Variants in PRTG observed in about 807,000 individuals in gnomAD.
PRTG encodes the protein protogenin, also known as immunoglobulin superfamily, DCC subclass, member 5.
In PRTG, 67 loss-of-function variants were observed where a neutral mutation model predicts 122.5. The observed-to-expected ratio is 0.55, with a 90% CI of 0.45 to 0.67. PRTG has a LOEUF of 0.67. Among genes scored for constraint, PRTG ranks in the 30% least tolerant of loss-of-function variants. The probability of loss-of-function intolerance (pLI) is 0.00; values close to 1 mark genes in which losing one functional copy is unlikely to be tolerated. For missense variants in PRTG, 1,435 were observed against 1,415.4 expected (o/e 1.01, Z -0.22); for synonymous variants, 554 against 501.1 (o/e 1.11, Z -1.41).
Position 55,616,835 on chromosome 15 carries a change from T to C in PRTG, c.*3177A>G, listed in dbSNP as rs956894552. ...CTTTGATATTTTTTGCTACTAAAGCTAGATTCTCTATCGGCCTCTAAATAA... is the reference window on the plus strand; with the variant it reads ...CTTTGATATTTTTTGCTACTAAAGCCAGATTCTCTATCGGCCTCTAAATAA... On this transcript the variant is annotated 3_prime_UTR_variant, in exon 20 of 20. Coordinates refer to ENST00000389286, the MANE Select transcript of PRTG (RefSeq NM_173814.6). 2.0e-5 allele frequency: 3 copies of C among 152,296 alleles called. No homozygotes were observed. The highest frequency in any genetic ancestry group is 4.4e-5 in the Non-Finnish European group (3 of 67,986). 9.4% of individuals were successfully genotyped at this position (152,296 alleles called of 1,614,324 possible).
chr15:55,734,618 T>C (rs546708932), intron 2 of PRTG, among the ~76,000 whole-genome samples: 6 of 151,610 alleles, frequency 4.0e-5, no homozygotes, highest in Non-Finnish European at 5.9e-5. Flanking sequence ...ATATGTATTA[T>C]AAACACGAAA....
At chr15:55,650,541 A>T (rs946328189) in intron 11 of PRTG, among the ~76,000 whole-genome samples, 3 of 152,122 alleles carry the variant, frequency 2.0e-5, no homozygotes, top group African/African-American at 7.2e-5. Flanking sequence ...TTTATGGGGG[A>T]GGGTCACACA....
chr15:55,706,209 T>G (rs2030108976), intron 2 of PRTG, among the ~76,000 whole-genome samples: 1 of 151,730 alleles, frequency 6.6e-6, no homozygotes, highest in Non-Finnish European at 1.5e-5. Context: ...AATACTACAC[T>G]GTTAAGTCTC....
At chr15:55,645,261 C>T (rs2059314425) in intron 11 of PRTG, among the ~76,000 whole-genome samples, 1 of 149,550 alleles carries the variant, frequency 6.7e-6, no homozygotes, top group Non-Finnish European at 1.5e-5. Context: ...CGGTGAAACC[C>T]CGTCTCTACT....
chr15:55,699,108 A>G (rs942120955), intron 2 of PRTG, among the ~76,000 whole-genome samples: 2 of 152,170 alleles, frequency 1.3e-5, no homozygotes, highest in Non-Finnish European at 2.9e-5. Flanking sequence ...TTTTGGAGCT[A>G]ATAGATATTA....
chr15:55,684,158 G>A (rs925224819), intron 2 of PRTG, among the ~76,000 whole-genome samples: 74 of 152,230 alleles, frequency 4.9e-4, no homozygotes, highest in African/African-American at 1.6e-3. Context: ...AAATAGGTTC[G>A]CAAGAAATTT....
At chr15:55,708,934 C>G (rs2030259354) in intron 2 of PRTG, among the ~76,000 whole-genome samples, 1 of 151,816 alleles carries the variant, frequency 6.6e-6, no homozygotes, top group South Asian at 2.1e-4. Flanking sequence ...TAGGTGAGGT[C>G]AGGAGTTCAA....
chr15:55,668,873 C>G (rs1361568583), intron 11 of PRTG, among the ~76,000 whole-genome samples: 1 of 152,050 alleles, frequency 6.6e-6, no homozygotes, highest in Non-Finnish European at 1.5e-5. Context: ...TCTAAAATAA[C>G]TTTCATTACT....
intron 13 of PRTG, among the ~76,000 whole-genome samples, chr15:55,639,229 C>T (rs1040338200): frequency 1.3e-5 from 2 of 152,076 alleles, no homozygotes. Context: ...CCACCTCAGC[C>T]CCCCCAAAAT....
intron 2 of PRTG, among the ~76,000 whole-genome samples, chr15:55,691,082 G>C (rs2059597858): frequency 1.3e-5 from 2 of 151,988 alleles, no homozygotes; most frequent in Admixed American, 6.6e-5. Context: ...ATCACCTGAG[G>C]TCAGGAGTTC....
At chr15:55,699,166 G>C (rs796103909) in intron 2 of PRTG, among the ~76,000 whole-genome samples, 15 of 152,146 alleles carry the variant, frequency 9.9e-5, no homozygotes, top group African/African-American at 3.6e-4. Flanking sequence ...GACCCAACTT[G>C]GATGATCTTA....
intron 15 of PRTG, 25 bp from the exon 16 acceptor site, chr15:55,629,029 A>ATTTTTGT (rs2059211018): frequency 6.6e-7 from 1 of 1,506,056 alleles, no homozygotes; most frequent in Non-Finnish European, 9.1e-7. Flanking sequence ...ATTACAAATT[A>ATTTTTGT]AGTGAACATT....
intron 18 of PRTG, among the ~76,000 whole-genome samples, chr15:55,621,395 C>T (rs1287026182): frequency 1.3e-5 from 2 of 150,880 alleles, no homozygotes; most frequent in East Asian, 3.9e-4. Context: ...CGGTGGCTCA[C>T]GCCTGTAATC....
chr15:55,718,000 G>C (rs1304286708), intron 2 of PRTG, among the ~76,000 whole-genome samples: 3 of 152,198 alleles, frequency 2.0e-5, no homozygotes, highest in Non-Finnish European at 4.4e-5. Context: ...CCGTGAGAAA[G>C]ATCCACCTAC....
intron 2 of PRTG, chr15:55,738,443 C>T (rs1204990059): frequency 1.4e-6 from 1 of 700,518 alleles, no homozygotes. Context: ...GTGGTCATGA[C>T]AAATGCTTCA....
intron 18 of PRTG, among the ~76,000 whole-genome samples, chr15:55,622,956 A>G (rs902913696): frequency 6.6e-6 from 1 of 152,200 alleles, no homozygotes; most frequent in Non-Finnish European, 1.5e-5. Flanking sequence ...GCTGCAAACA[A>G]AAAAAAGAGA....
intron 2 of PRTG, among the ~76,000 whole-genome samples, chr15:55,722,550 T>C (rs1411703874): frequency 3.3e-5 from 5 of 152,188 alleles, no homozygotes; most frequent in Admixed American, 2.0e-4. Context: ...AAAAATCTCA[T>C]GCTGAAAACT....
chr15:55,672,094 T>C (rs1164959759), intron 11 of PRTG, among the ~76,000 whole-genome samples: 1 of 152,344 alleles, frequency 6.6e-6, no homozygotes, highest in South Asian at 2.1e-4. Context: ...CCACTGAGTA[T>C]GATTTGGTGA....
intron 2 of PRTG, among the ~76,000 whole-genome samples, chr15:55,699,262 A>G (rs2059648954): frequency 6.6e-6 from 1 of 152,180 alleles, no homozygotes; most frequent in Non-Finnish European, 1.5e-5. Context: ...TAAACTGTTA[A>G]CTGTTAATGG....
Sources: gnomAD v4.1 joint callset for allele counts (sites outside exome capture counted in the v4.1 genomes callset) on GRCh38, gnomAD v4.1.1 for gene constraint, MANE v1.5 for transcripts, NCBI Gene and HGNC (gene_info 2026-07-23, HGNC 2026-07-21) for gene names.